The following NRROS variants were observed in gnomAD, a reference collection of about 807,000 sequenced individuals.
NRROS encodes transforming growth factor beta activator LRRC33.
A neutral mutation model predicts 12.0 loss-of-function variants in NRROS; 6 were observed. That is an observed-to-expected ratio of 0.50 (90% CI 0.27 to 0.98). The LOEUF is 0.98. NRROS is among the 50% of genes least tolerant of loss of function. The pLI is 0.11. For missense variants in NRROS, 857 were observed against 888.2 expected (o/e 0.96, Z 0.45); for synonymous variants, 462 against 410.2 (o/e 1.13, Z -1.53).
intron 1 of NRROS, among the ~76,000 whole-genome samples, chr3:196,649,502 C>G (rs929541170): frequency 1.3e-5 from 2 of 152,170 alleles, no homozygotes; most frequent in Non-Finnish European, 2.9e-5. Flanking sequence ...GACGGAGTCT[C>G]GCTCTGTCGC....
rs142450228 is a variant in NRROS, at chr3:196,656,537, G to A, written c.108+1890G>A. 1.9e-3 allele frequency among the ~76,000 whole-genome samples: 288 copies of A among 152,336 alleles called. 3 individuals are homozygous for A. In the Middle Eastern group the frequency reaches 0.027, roughly 14 times the overall value. ...CTGATGATTAAATGGGTTAATACAT[G>A]TAAAGCACTCAGGACAGTGCCTGGT... On this transcript the variant is annotated intron_variant, in intron 2 of 2. Coordinates refer to ENST00000328557, the MANE Select transcript of NRROS (RefSeq NM_198565.3).
chr3:196,657,957 C>T (rs1343762330), intron 2 of NRROS, among the ~76,000 whole-genome samples: 2 of 151,990 alleles, frequency 1.3e-5, no homozygotes, highest in Non-Finnish European at 2.9e-5. Context: ...CACACTTGAT[C>T]CTGAAAAAAA....
chr3:196,644,769 CAAAAAA>C (rs57304721), intron 1 of NRROS, among the ~76,000 whole-genome samples: 105 of 109,164 alleles, frequency 9.6e-4, no homozygotes, highest in Middle Eastern at 4.3e-3. Context: ...GAGACTCTGT[CAAAAAA>C]AAAAAAAAAA....
At chr3:196,659,208 TC>T (rs201875865) in intron 2 of NRROS, among the ~76,000 whole-genome samples, 2,950 of 151,512 alleles carry the variant, frequency 0.019, 46 homozygotes, top group Non-Finnish European at 0.031. Flanking sequence ...TGGGCTCCAG[TC>T]CCGGCACAGC....
At chr3:196,641,700 C>T (rs1737212410) in intron 1 of NRROS, among the ~76,000 whole-genome samples, 1 of 152,176 alleles carries the variant, frequency 6.6e-6, no homozygotes, top group Non-Finnish European at 1.5e-5. Context: ...CTGTCTGTCT[C>T]CAGTCTTGAC....
intron 2 of NRROS, among the ~76,000 whole-genome samples, chr3:196,657,631 CG>C (rs1268636132): frequency 6.0e-5 from 9 of 150,398 alleles, no homozygotes; most frequent in Admixed American, 1.3e-4. Context: ...CGCTTGAACC[CG>C]GCAGGCAGAG....
chr3:196,651,345 C>A (rs1057473385), intron 1 of NRROS, among the ~76,000 whole-genome samples: 4 of 152,114 alleles, frequency 2.6e-5, no homozygotes, highest in Non-Finnish European at 5.9e-5. Flanking sequence ...TTATTTAAGA[C>A]AGAGGATATT....
Position 196,660,249 on chromosome 3 carries a change from C to T in NRROS, c.606C>T (p.Asp202=), listed in dbSNP as rs750339010. 9.3e-6 allele frequency: 15 copies of T among 1,613,680 alleles called. No homozygotes were observed. Among genetic ancestry groups the T allele is most frequent in the Admixed American group, 1.7e-5 (1 of 60,000 alleles). The change falls in exon 3 of 3, where the codon GAC becomes GAT. Residue 202 remains aspartate (D), a synonymous_variant. Transcript: ENST00000328557. The surrounding 1 kb of genome is among the most constrained non-coding windows in gnomAD (Gnocchi z 7.7). ...TCGAGATCGAGGGCGGCGCTTTCGA[C>T]GGCCTGGCTGAGCTGAGGCACCTCA... The part of the protein sequence containing the change: ...YIFEIEGGAF[D]GLAELRHLNL...
intron 1 of NRROS, among the ~76,000 whole-genome samples, chr3:196,649,293 C>T (rs1737366701): frequency 6.6e-6 from 1 of 152,174 alleles, no homozygotes; most frequent in South Asian, 2.1e-4. Context: ...TCTCCCAGAT[C>T]CCAGGTGCAA....
At chr3:196,659,226 C>T (rs2108642781) in intron 2 of NRROS, among the ~76,000 whole-genome samples, 1 of 151,404 alleles carries the variant, frequency 6.6e-6, no homozygotes. Flanking sequence ...CAGCCACTGG[C>T]TCTTCACTTC....
chr3:196,659,884 C>G lies in NRROS; in HGVS notation c.241C>G (p.Pro81Ala). The change falls in exon 3 of 3, where the codon CCT becomes GCT. Residue 81 changes from proline to alanine, a missense_variant. Transcript: ENST00000328557. Reference sequence around the variant, plus strand: ...GTGGAATCACTCCCTCCAGCCTTACCCTCTCCTGGAGAGCCTCAGCCTGCA... The same window carrying G: ...GTGGAATCACTCCCTCCAGCCTTACGCTCTCCTGGAGAGCCTCAGCCTGCA... ...TLWNHSLQPY[P>A]LLESLSLHSC... 1 of 1,614,164 alleles carries G rather than the reference C, an allele frequency of 6.2e-7. No individual in the cohort carries two copies. Among genetic ancestry groups the G allele is most frequent in the South Asian group, 1.1e-5 (1 of 91,086 alleles).
chr3:196,642,200 A>G (rs1737221536), intron 1 of NRROS, among the ~76,000 whole-genome samples: 1 of 152,088 alleles, frequency 6.6e-6, no homozygotes, highest in South Asian at 2.1e-4. Flanking sequence ...CTCACGTGCA[A>G]CAATAAACCC....
intron 1 of NRROS, among the ~76,000 whole-genome samples, chr3:196,652,761 G>A (rs1232549249): frequency 3.3e-5 from 5 of 152,100 alleles, no homozygotes; most frequent in African/African-American, 1.2e-4. Context: ...CTGCACTCTT[G>A]CCCCTTACAC....
At chr3:196,657,998 G>A (rs557305619) in intron 2 of NRROS, among the ~76,000 whole-genome samples, 5 of 152,098 alleles carry the variant, frequency 3.3e-5, no homozygotes, top group Non-Finnish European at 7.4e-5. Context: ...GTATAATTTC[G>A]GTTTTACAGG....
chr3:196,640,723 C>A (rs1195195097), intron 1 of NRROS, among the ~76,000 whole-genome samples: 1 of 152,206 alleles, frequency 6.6e-6, no homozygotes. Flanking sequence ...CTTTGTGCTG[C>A]CTCTGAGAGA....
chr3:196,653,023 C>T (rs1223938356), intron 1 of NRROS, among the ~76,000 whole-genome samples: 2 of 152,172 alleles, frequency 1.3e-5, no homozygotes. Context: ...ACTATGCAGC[C>T]TTATTTCATG....
intron 1 of NRROS, among the ~76,000 whole-genome samples, chr3:196,642,828 T>G (rs1737234740): frequency 6.6e-6 from 1 of 152,050 alleles, no homozygotes; most frequent in Non-Finnish European, 1.5e-5. Context: ...TCCCAGCACT[T>G]TGGGAGGCCG....
chr3:196,650,268 C>G (rs1236070229), intron 1 of NRROS, among the ~76,000 whole-genome samples: 1 of 152,194 alleles, frequency 6.6e-6, no homozygotes, highest in Non-Finnish European at 1.5e-5. Context: ...CTCAGCCTCC[C>G]GAGTAGCTGG....
chr3:196,654,606 A>C lies in NRROS; in HGVS notation c.67A>C (p.Ser23Arg). Residue 23 changes from serine to arginine, a missense_variant, in exon 2 of 3, where the codon AGC becomes CGC. Ser to Arg is a moderately radical substitution (Grantham distance 110). Coordinates refer to ENST00000328557, the MANE Select transcript of NRROS (RefSeq NM_198565.3). The surrounding 1 kb of genome is among the most constrained non-coding windows in gnomAD (Gnocchi z 4.4). Reference protein sequence around the residue: ...HFLTVGWRNRSGTATAASQGV... With the variant: ...HFLTVGWRNRRGTATAASQGV... ...CCTGACCGTGGGCTGGAGGAACAGAAGCGGAACAGCCACAGCAGCCTCCCA... is the reference window on the plus strand; with the variant it reads ...CCTGACCGTGGGCTGGAGGAACAGACGCGGAACAGCCACAGCAGCCTCCCA... 2 of 1,614,092 alleles carry C rather than the reference A, an allele frequency of 1.2e-6. No homozygotes were observed. The highest frequency in any genetic ancestry group is 1.7e-6 in the Non-Finnish European group (2 of 1,179,946).
Sources: allele counts gnomAD v4.1 joint callset (sites outside exome capture counted in the v4.1 genomes callset), GRCh38; gene constraint gnomAD v4.1.1; non-coding constraint Gnocchi (gnomAD v3.1); transcripts MANE v1.5; gene names NCBI Gene and HGNC (gene_info 2026-07-23, HGNC 2026-07-21).